FSIP1: variants seen among roughly 807,000 people sequenced by gnomAD.
FSIP1 encodes the protein fibrous sheath-interacting protein 1.
Under a neutral mutation model 60.9 loss-of-function variants are expected in FSIP1, and 65 were observed. That is an observed-to-expected ratio of 1.07 (90% CI 0.87 to 1.31). The LOEUF is 1.31. FSIP1 is among the 40% of genes most tolerant of loss of function. FSIP1 has a pLI of 0.00. For missense variants in FSIP1, 675 were observed against 665.5 expected (o/e 1.01, Z -0.16); for synonymous variants, 209 against 221.2 (o/e 0.94, Z 0.49).
chr15:39,779,665 G>A (rs892771299), intron 1 of FSIP1, among the ~76,000 whole-genome samples: 3 of 152,132 alleles, frequency 2.0e-5, no homozygotes, highest in African/African-American at 7.2e-5. Context: ...TTTACTTCAT[G>A]ATACTTGATT....
intron 11 of FSIP1, among the ~76,000 whole-genome samples, chr15:39,602,889 T>G (rs1427773051): frequency 6.6e-6 from 1 of 152,194 alleles, no homozygotes; most frequent in Non-Finnish European, 1.5e-5. Context: ...CTTAAAAATT[T>G]TCATCAATAG....
intron 2 of FSIP1, among the ~76,000 whole-genome samples, chr15:39,775,996 G>A (rs1898041254): frequency 6.6e-6 from 1 of 151,286 alleles, no homozygotes. Context: ...GTAAAAGTCA[G>A]TGGTGGTATA....
intron 10 of FSIP1, among the ~76,000 whole-genome samples, chr15:39,708,027 G>A (rs1895348907): frequency 6.6e-6 from 1 of 152,172 alleles, no homozygotes; most frequent in Non-Finnish European, 1.5e-5. Flanking sequence ...TGGAGAGACT[G>A]TCTGTGGGGG....
intron 10 of FSIP1, among the ~76,000 whole-genome samples, chr15:39,680,551 T>C (rs554432207): frequency 3.3e-5 from 5 of 152,322 alleles, no homozygotes; most frequent in African/African-American, 1.2e-4. Flanking sequence ...TTTGCCCTAG[T>C]TAGAATCTGA....
intron 9 of FSIP1, among the ~76,000 whole-genome samples, chr15:39,716,152 T>C (rs1379730901): frequency 1.3e-5 from 2 of 152,174 alleles, no homozygotes; most frequent in Non-Finnish European, 2.9e-5. Context: ...GAAAAAATGG[T>C]ATCAAGGTCT....
At chr15:39,682,856 T>C (rs1182991693) in intron 10 of FSIP1, among the ~76,000 whole-genome samples, 1 of 152,198 alleles carries the variant, frequency 6.6e-6, no homozygotes, top group East Asian at 1.9e-4. Flanking sequence ...ATCACATGTG[T>C]TTATATTTAA....
At chr15:39,694,476 C>A (rs1237813981) in intron 10 of FSIP1, among the ~76,000 whole-genome samples, 1 of 152,146 alleles carries the variant, frequency 6.6e-6, no homozygotes, top group African/African-American at 2.4e-5. Flanking sequence ...TGACTTTATA[C>A]ATATTTACGT....
At chr15:39,693,745 T>C (rs1209993549) in intron 10 of FSIP1, among the ~76,000 whole-genome samples, 1 of 152,146 alleles carries the variant, frequency 6.6e-6, no homozygotes, top group African/African-American at 2.4e-5. Context: ...ATAATAGTGA[T>C]AGAGGCTGTG....
chr15:39,764,642 A>T (rs1018296509), intron 4 of FSIP1, among the ~76,000 whole-genome samples: 16 of 152,312 alleles, frequency 1.1e-4, no homozygotes, highest in African/African-American at 3.8e-4. Flanking sequence ...ACATCTAGTC[A>T]ACTTCAAGCC....
At chr15:39,737,494 A>G (rs570486216) in intron 8 of FSIP1, among the ~76,000 whole-genome samples, 1 of 152,312 alleles carries the variant, frequency 6.6e-6, no homozygotes, top group East Asian at 1.9e-4. Context: ...AAACACATTC[A>G]TATGTCATCA....
chr15:39,601,543 T>G (rs1890640136), intron 11 of FSIP1, among the ~76,000 whole-genome samples: 1 of 152,186 alleles, frequency 6.6e-6, no homozygotes, highest in Non-Finnish European at 1.5e-5. Context: ...CAATTCCACT[T>G]CTAGGTATAA....
At chr15:39,627,657 C>T (rs1490560901) in intron 10 of FSIP1, among the ~76,000 whole-genome samples, 2 of 151,872 alleles carry the variant, frequency 1.3e-5, no homozygotes, top group Non-Finnish European at 2.9e-5. Flanking sequence ...CTGCATGTGT[C>T]CCACAAGTCA....
At chr15:39,644,703 T>G (rs1368262892) in intron 10 of FSIP1, among the ~76,000 whole-genome samples, 1 of 150,920 alleles carries the variant, frequency 6.6e-6, no homozygotes, top group African/African-American at 2.5e-5. Context: ...CACTATGATT[T>G]ACAGGCAAGT....
At chr15:39,710,117 G>A (rs754794990) in intron 10 of FSIP1, among the ~76,000 whole-genome samples, 19 of 152,124 alleles carry the variant, frequency 1.2e-4, no homozygotes, top group Non-Finnish European at 1.9e-4. Context: ...AACAGGTCAC[G>A]TGGTACACAA....
chr15:39,676,988 G>C (rs1229317399), intron 10 of FSIP1, among the ~76,000 whole-genome samples: 3 of 152,180 alleles, frequency 2.0e-5, no homozygotes, highest in Non-Finnish European at 2.9e-5. Flanking sequence ...TGTTGCAAGT[G>C]TCAGAGTAGT....
chr15:39,745,559 T>G (rs6492915), intron 5 of FSIP1, among the ~76,000 whole-genome samples: 28,102 of 152,120 alleles, frequency 0.18, 3,844 homozygotes, highest in East Asian at 0.45. Flanking sequence ...AGTCTATCTG[T>G]GCAGCTCAGA....
intron 10 of FSIP1, among the ~76,000 whole-genome samples, chr15:39,669,197 T>G (rs1893620948): frequency 6.6e-6 from 1 of 152,174 alleles, no homozygotes; most frequent in African/African-American, 2.4e-5. Context: ...GTGGCCCATA[T>G]TCAGTCCCTG....
chr15:39,655,913 GAAAATTAATACATTTAACAAATGATT>G (rs1893052349), intron 10 of FSIP1, among the ~76,000 whole-genome samples: 1 of 152,142 alleles, frequency 6.6e-6, no homozygotes, highest in South Asian at 2.1e-4. Context: ...TACAGACAGA[GAAAATTAATACATTTAACAAATGATT>G]AAAAGAAGTG....
intron 10 of FSIP1, among the ~76,000 whole-genome samples, chr15:39,711,661 C>T (rs967172571): frequency 1.3e-5 from 2 of 150,126 alleles, no homozygotes; most frequent in African/African-American, 4.9e-5. Flanking sequence ...TTACACTTCC[C>T]TACCATTCCT....
Sources: gnomAD v4.1 joint callset for allele counts (sites outside exome capture counted in the v4.1 genomes callset) on GRCh38, gnomAD v4.1.1 for gene constraint, MANE v1.5 for transcripts, NCBI Gene and HGNC (gene_info 2026-07-23, HGNC 2026-07-21) for gene names.